Variants in LRBA observed in about 807,000 individuals in gnomAD.
LRBA encodes the protein LPS responsive beige-like anchor protein, also known as lipopolysaccharide-responsive and beige-like anchor protein.
A neutral mutation model predicts 330.0 loss-of-function variants in LRBA; 176 were observed. The observed-to-expected ratio is 0.53, with a 90% CI of 0.47 to 0.60. The LOEUF (loss-of-function observed/expected upper bound fraction) is 0.60. LRBA is among the 20% of genes least tolerant of loss of function. LRBA has a pLI of 0.00. For missense variants in LRBA, 3,259 were observed against 3,444.8 expected (o/e 0.95, Z 1.35); for synonymous variants, 1,230 against 1,193.0 (o/e 1.03, Z -0.64).
At chr4:150,596,836 A>T (rs991275259) in intron 38 of LRBA, among the ~76,000 whole-genome samples, 1 of 151,554 alleles carries the variant, frequency 6.6e-6, no homozygotes, top group African/African-American at 2.4e-5. Flanking sequence ...AATACAATCT[A>T]TGTGCTGAAT....
Position 150,908,814 on chromosome 4 carries a change from T to G in LRBA, c.1205A>C (p.Glu402Ala). 1 of 1,613,814 alleles carries G rather than the reference T, an allele frequency of 6.2e-7. No individual in the cohort carries two copies. Among genetic ancestry groups the G allele is most frequent in the Non-Finnish European group, 8.5e-7 (1 of 1,179,848 alleles). Residue 402 changes from glutamate to alanine, a missense_variant, in exon 10 of 57, where the codon GAG becomes GCG. By Grantham distance (107) the Glu-to-Ala change is moderately radical (BLOSUM62 -1). Coordinates refer to ENST00000651943, the MANE Select transcript of LRBA (RefSeq NM_001364905.1). ...ATCGTACAATAAAAGTTTGTGATGC[T>G]CAGCAAGGAAAAGGTCGCTTTCTGC... ...FKAESDLFLAEHHKLLLYDGK... is the reference protein window; with the variant it reads ...FKAESDLFLAAHHKLLLYDGK...
intron 30 of LRBA, among the ~76,000 whole-genome samples, chr4:150,825,888 C>T (rs1288950658): frequency 1.3e-5 from 2 of 151,916 alleles, no homozygotes; most frequent in African/African-American, 4.8e-5. Flanking sequence ...CTGCCATTTC[C>T]AAAGAAATTA....
intron 47 of LRBA, among the ~76,000 whole-genome samples, chr4:150,365,282 C>T (rs535770203): frequency 6.6e-6 from 1 of 152,166 alleles, no homozygotes; most frequent in Non-Finnish European, 1.5e-5. Context: ...GATGGGATTA[C>T]AGGAGTGAGC....
chr4:150,738,906 A>G (rs960116412), intron 35 of LRBA, among the ~76,000 whole-genome samples: 1 of 152,138 alleles, frequency 6.6e-6, no homozygotes, highest in African/African-American at 2.4e-5. Context: ...ATAAATAATA[A>G]GATGATAAAT....
chr4:150,757,963 A>G (rs1468849237), intron 35 of LRBA, among the ~76,000 whole-genome samples: 1 of 152,210 alleles, frequency 6.6e-6, no homozygotes, highest in Non-Finnish European at 1.5e-5. Flanking sequence ...AAGCAAAGGT[A>G]AAAAATCAGA....
At chr4:150,882,752 T>TA (rs1258305684) in intron 17 of LRBA, among the ~76,000 whole-genome samples, 1 of 152,164 alleles carries the variant, frequency 6.6e-6, no homozygotes, top group East Asian at 1.9e-4. Flanking sequence ...AACAGATCAT[T>TA]AACTAGACTC....
intron 42 of LRBA, among the ~76,000 whole-genome samples, chr4:150,478,921 C>T (rs1478297631): frequency 6.6e-6 from 1 of 152,136 alleles, no homozygotes; most frequent in East Asian, 1.9e-4. Flanking sequence ...AAAATGGTTT[C>T]TATCTTGTAC....
In LRBA at chr4:150,850,670, T is replaced by C. The variant is rs904677856; in HGVS notation, c.4004+54A>G. 13 of 1,088,154 alleles carry C rather than the reference T, an allele frequency of 1.2e-5. No homozygotes were observed. The African/African-American group carries it at 1.3e-4, about 11-fold the overall frequency. 67.4% of individuals were successfully genotyped at this position (1,088,154 alleles called of 1,614,324 possible). ...TACAAACTGTTTCTATGGATTTCTT[T>C]GAAAATAAAGACTAGGTTTATACAC... is the stretch of plus-strand genomic sequence containing the variant. On this transcript the variant is annotated intron_variant, in intron 24 of 56. Transcript: ENST00000651943.
intron 34 of LRBA, among the ~76,000 whole-genome samples, chr4:150,792,594 G>A (rs750478859): frequency 2.0e-5 from 3 of 152,062 alleles, no homozygotes; most frequent in Non-Finnish European, 4.4e-5. Flanking sequence ...CTGTAACCTC[G>A]AATCTTTGGG....
intron 47 of LRBA, among the ~76,000 whole-genome samples, chr4:150,388,850 A>C (rs1225460358): frequency 6.6e-6 from 1 of 152,134 alleles, no homozygotes; most frequent in East Asian, 1.9e-4. Flanking sequence ...GTTAATTAAA[A>C]CTAAAAATTC....
At chr4:150,779,117 C>G (rs557423171) in intron 34 of LRBA, among the ~76,000 whole-genome samples, 1 of 152,232 alleles carries the variant, frequency 6.6e-6, no homozygotes, top group Non-Finnish European at 1.5e-5. Flanking sequence ...TAAGAATTAT[C>G]AACTCAAGAT....
intron 17 of LRBA, among the ~76,000 whole-genome samples, chr4:150,880,463 T>C (rs1728239555): frequency 6.7e-6 from 1 of 149,288 alleles, no homozygotes. Context: ...GAGGCTGTAG[T>C]GAGCTGTGAT....
intron 56 of LRBA, among the ~76,000 whole-genome samples, chr4:150,266,338 A>AAGT (rs1259804224): frequency 6.6e-6 from 1 of 152,208 alleles, no homozygotes; most frequent in Non-Finnish European, 1.5e-5. Context: ...CTCTGTGGAG[A>AAGT]AGTAGTCTAT....
chr4:150,692,471 C>T (rs768893718), intron 36 of LRBA, among the ~76,000 whole-genome samples: 18 of 152,090 alleles, frequency 1.2e-4, no homozygotes, highest in Non-Finnish European at 2.4e-4. Flanking sequence ...CCACTCACCT[C>T]GGCCTCCCAA....
intron 36 of LRBA, among the ~76,000 whole-genome samples, chr4:150,706,599 CAA>C (rs1009975947): frequency 7.2e-6 from 1 of 138,272 alleles, no homozygotes; most frequent in African/African-American, 2.6e-5. Context: ...ACACATTTAA[CAA>C]AAAAAAAAAA....
At chr4:150,889,682 C>T (rs555006197) in intron 17 of LRBA, among the ~76,000 whole-genome samples, 1 of 152,270 alleles carries the variant, frequency 6.6e-6, no homozygotes, top group Non-Finnish European at 1.5e-5. Flanking sequence ...CCCCCAACCC[C>T]AGTTTGTGGA....
intron 42 of LRBA, among the ~76,000 whole-genome samples, chr4:150,483,916 A>G (rs1375105727): frequency 1.3e-5 from 2 of 152,012 alleles, no homozygotes; most frequent in Non-Finnish European, 2.9e-5. Context: ...TTTAATTTCA[A>G]TTTCTGATTG....
chr4:150,701,510 AC>A (rs1785118680), intron 36 of LRBA, among the ~76,000 whole-genome samples: 1 of 152,224 alleles, frequency 6.6e-6, no homozygotes, highest in African/African-American at 2.4e-5. Flanking sequence ...TACAATGGCT[AC>A]AATGTCAGTA....
rs1753577990 is a variant in LRBA, at chr4:150,872,706, C to T, written c.2215G>A (p.Ala739Thr). Reference sequence around the variant, plus strand: ...AAAAAATAACCCATTGCCTTAAGAGCTTGTACCCTGATTCCTTCACTTTTC... The same window carrying T: ...AAAAAATAACCCATTGCCTTAAGAGTTTGTACCCTGATTCCTTCACTTTTC... ...ASKSEGIRVQALKAMGYFLKH... is the reference protein window; with the variant it reads ...ASKSEGIRVQTLKAMGYFLKH... Residue 739 changes from alanine (A) to threonine (T), a missense_variant, in exon 18 of 57, where the codon GCT becomes ACT. Coordinates refer to ENST00000651943, the MANE Select transcript of LRBA (RefSeq NM_001364905.1). The T allele has an allele frequency of 6.2e-7, 1 of 1,609,332 alleles. No homozygotes were observed. The highest frequency in any genetic ancestry group is 1.3e-5 in the African/African-American group (1 of 74,868).
Sources: gnomAD v4.1 joint callset for allele counts (sites outside exome capture counted in the v4.1 genomes callset) on GRCh38, gnomAD v4.1.1 for gene constraint, MANE v1.5 for transcripts, NCBI Gene and HGNC (gene_info 2026-07-23, HGNC 2026-07-21) for gene names.